DHX15: variants seen among roughly 807,000 people sequenced by gnomAD.
DHX15 encodes the protein DEAH-box helicase 15, also known as ATP-dependent RNA helicase DHX15.
In DHX15, 11 loss-of-function variants were observed where a neutral mutation model predicts 94.4. That is an observed-to-expected ratio of 0.12 (90% CI 0.07 to 0.19). The LOEUF (loss-of-function observed/expected upper bound fraction) is 0.19. DHX15 is among the 10% of genes least tolerant of loss of function. The pLI, the probability that DHX15 is intolerant of heterozygous loss-of-function variation, is 1.00. For missense variants in DHX15, 304 were observed against 988.5 expected, an observed-to-expected ratio of 0.31 and a Z score of 9.29; for synonymous variants, 338 against 329.9, an observed-to-expected ratio of 1.02 and a Z score of -0.27.
At chr4:24,546,453 G>A (rs1271828492) in intron 6 of DHX15, among the ~76,000 whole-genome samples, 1 of 152,166 alleles carries the variant, frequency 6.6e-6, no homozygotes, top group South Asian at 2.1e-4. Flanking sequence ...GCAATTTTAA[G>A]TCTCAGTCAA....
intron 3 of DHX15, among the ~76,000 whole-genome samples, chr4:24,564,611 T>C (rs529703389): frequency 1.3e-5 from 2 of 152,332 alleles, no homozygotes; most frequent in South Asian, 2.1e-4. Context: ...GCCAGTGATA[T>C]TAGCCGAGTC....
chr4:24,528,736 T>C (rs1438282550), intron 13 of DHX15, among the ~76,000 whole-genome samples: 2 of 152,188 alleles, frequency 1.3e-5, no homozygotes, highest in Admixed American at 6.5e-5. Flanking sequence ...GTGAGGGTTA[T>C]TTTGCTTAAA....
chr4:24,568,052 G>A (rs961169515), intron 3 of DHX15, among the ~76,000 whole-genome samples: 2 of 152,148 alleles, frequency 1.3e-5, no homozygotes, highest in African/African-American at 4.8e-5. Context: ...AAACACTGAA[G>A]AAACTATCTT....
At chr4:24,572,949 T>C (rs1226100738) in intron 2 of DHX15, among the ~76,000 whole-genome samples, 2 of 152,184 alleles carry the variant, frequency 1.3e-5, no homozygotes, top group Non-Finnish European at 2.9e-5. Context: ...TTCACTCTGT[T>C]GCCCAGGCTG....
At chr4:24,579,396 T>C (rs1722352977) in intron 1 of DHX15, among the ~76,000 whole-genome samples, 1 of 152,204 alleles carries the variant, frequency 6.6e-6, no homozygotes, top group African/African-American at 2.4e-5. Flanking sequence ...ATTGTGCACA[T>C]GCGTGTTTTC....
In DHX15 at chr4:24,584,331, C is replaced by A. The variant is rs1250291874; in HGVS notation, c.63G>T (p.Gly21=). ...CCCCCGGCCTGGCTTACCCATCGGT[C>A]CCCGCACGCTTCTTGCCAGAGGGGT... is the stretch of plus-strand genomic sequence containing the variant. ...EDYPSGKKRA[G]TDGKDRDRDR... is the part of the protein sequence containing the mutation. The change falls in exon 1 of 14, where the codon GGG becomes GGT. Residue 21 remains glycine (G), a synonymous_variant. Transcript: ENST00000336812. The A allele has an allele frequency of 9.9e-6, 16 of 1,612,608 alleles. No homozygotes were observed. In the South Asian group the frequency reaches 1.8e-4, roughly 18 times the overall value.
intron 3 of DHX15, among the ~76,000 whole-genome samples, chr4:24,565,336 A>C (rs893956755): frequency 1.3e-5 from 2 of 152,240 alleles, no homozygotes; most frequent in African/African-American, 2.4e-5. Flanking sequence ...GGGTGACCAC[A>C]GTAACTTTTT....
chr4:24,552,652 T>C (rs891358448), intron 5 of DHX15, among the ~76,000 whole-genome samples: 1 of 152,232 alleles, frequency 6.6e-6, no homozygotes, highest in East Asian at 1.9e-4. Context: ...ATATTTACTT[T>C]AGACCAGCTC....
At chr4:24,568,429 C>A (rs1285086821) in intron 3 of DHX15, among the ~76,000 whole-genome samples, 3 of 152,100 alleles carry the variant, frequency 2.0e-5, no homozygotes, top group African/African-American at 7.2e-5. Flanking sequence ...TAAGCTTACC[C>A]TGTCTTAAGT....
In DHX15 at chr4:24,563,917, A is replaced by T. The variant is rs189074550; in HGVS notation, c.701+6737T>A. ...GTTTCTACTAAAAATACAAAAAAAA[A>T]TTAGCCGGGCGTGGTGGTGGGCAGC... is the stretch of plus-strand genomic sequence containing the variant. On this transcript the variant is annotated intron_variant, in intron 3 of 13. Transcript: ENST00000336812. Among the ~76,000 whole-genome samples the T allele has an allele frequency of 4.9e-4, 74 of 152,176 alleles. 1 individual carries two copies. The East Asian group carries it at 0.012, about 25-fold the overall frequency.
chr4:24,571,097 TC>T (rs1263079590), intron 2 of DHX15, among the ~76,000 whole-genome samples: 3 of 152,182 alleles, frequency 2.0e-5, no homozygotes, highest in Non-Finnish European at 4.4e-5. Context: ...AGTGTGACTA[TC>T]CCATCATGAA....
chr4:24,548,492 C>T (rs1382375388), intron 6 of DHX15, among the ~76,000 whole-genome samples: 2 of 152,158 alleles, frequency 1.3e-5, no homozygotes, highest in Non-Finnish European at 1.5e-5. Flanking sequence ...ACATTTCACA[C>T]CTATAGACAT....
intron 8 of DHX15, among the ~76,000 whole-genome samples, chr4:24,541,306 G>A (rs1299522677): frequency 6.6e-6 from 1 of 152,050 alleles, no homozygotes. Context: ...ACCATTCTTA[G>A]TAGTATGCTA....
intron 1 of DHX15, among the ~76,000 whole-genome samples, chr4:24,583,297 C>A (rs775347038): frequency 1.3e-5 from 2 of 152,142 alleles, no homozygotes; most frequent in Non-Finnish European, 2.9e-5. Context: ...CTAAATTCCT[C>A]TGTACCTTTA....
chr4:24,584,085 G>A (rs1722546592), intron 1 of DHX15: 1 of 544,770 alleles, frequency 1.8e-6, no homozygotes, highest in Non-Finnish European at 3.2e-6. Context: ...CATGGCTACT[G>A]CAGGCCTCTC....
chr4:24,561,967 C>G (rs995369109), intron 3 of DHX15, among the ~76,000 whole-genome samples: 5 of 151,618 alleles, frequency 3.3e-5, no homozygotes, highest in Non-Finnish European at 7.4e-5. Context: ...CCATCTCTAC[C>G]AAAAAATACA....
chr4:24,541,060 C>T (rs1183842487), intron 8 of DHX15, 112 bp from the exon 9 acceptor site: 11 of 620,414 alleles, frequency 1.8e-5, no homozygotes, highest in Non-Finnish European at 3.2e-5. Flanking sequence ...ATTACTTCTA[C>T]ACTGTCTCAG....
At chr4:24,574,550 T>C (rs4437236) in intron 2 of DHX15, among the ~76,000 whole-genome samples, 54,375 of 151,918 alleles carry the variant, frequency 0.36, 10,069 homozygotes, top group Admixed American at 0.49. Context: ...CTACCCATAA[T>C]CAGACCACAG....
intron 11 of DHX15, among the ~76,000 whole-genome samples, chr4:24,535,147 T>G (rs917082821): frequency 2.0e-5 from 3 of 152,192 alleles, no homozygotes; most frequent in African/African-American, 7.2e-5. Context: ...TCACTAATAA[T>G]GCATTTCTTG....
Sources: allele counts gnomAD v4.1 joint callset (sites outside exome capture counted in the v4.1 genomes callset), GRCh38; gene constraint gnomAD v4.1.1; transcripts MANE v1.5; gene names NCBI Gene and HGNC (gene_info 2026-07-23, HGNC 2026-07-21).